Variants in ZNF558 observed in about 807,000 individuals in gnomAD.
ZNF558 encodes zinc finger protein 558.
ZNF558 carries 23 observed loss-of-function variants against 37.6 expected under a neutral mutation model. The observed-to-expected ratio is 0.61, with a 90% confidence interval of 0.44 to 0.87. The LOEUF is 0.87. ZNF558 is among the 40% of genes least tolerant of loss of function. The pLI is 0.00. For synonymous variants in ZNF558, 189 were observed against 174.4 expected (o/e 1.08, Z -0.66); for missense variants, 429 against 483.7 (o/e 0.89, Z 1.06).
intron 7 of ZNF558, among the ~76,000 whole-genome samples, chr19:8,816,299 G>C (rs1352926745): frequency 6.6e-6 from 1 of 152,172 alleles, no homozygotes; most frequent in Admixed American, 6.5e-5. Context: ...CTGACCTCAA[G>C]GGGTCCTTCT....
chr19:8,837,685 C>G, the ZNF558 span, among the ~76,000 whole-genome samples: 2 of 152,126 alleles, frequency 1.3e-5, no homozygotes, highest in South Asian at 4.1e-4. Flanking sequence ...TCTTGCTTTC[C>G]CACAGAGTAC....
At chr19:8,814,049 A>T (rs1336712735) in intron 7 of ZNF558, among the ~76,000 whole-genome samples, 1 of 152,218 alleles carries the variant, frequency 6.6e-6, no homozygotes, top group Non-Finnish European at 1.5e-5. Flanking sequence ...AACAGTGAGT[A>T]AACTGGCAAA....
chr19:8,816,030 T>C (rs1420638658), intron 7 of ZNF558, among the ~76,000 whole-genome samples: 1 of 148,584 alleles, frequency 6.7e-6, no homozygotes, highest in African/African-American at 2.5e-5. Flanking sequence ...TAGAATAAAT[T>C]TGAAAAAATA....
At chr19:8,833,965 G>T (rs928003472), upstream of ZNF558, among the ~76,000 whole-genome samples, 10 of 151,772 alleles carry the variant, frequency 6.6e-5, no homozygotes, top group African/African-American at 2.2e-4. Context: ...CTCCAGCCCG[G>T]GTGACGAGCA....
rs1399492251 is a variant in ZNF558, at chr19:8,822,476, C to T, written c.31+153G>A. Among the ~76,000 whole-genome samples, 2 of 152,176 alleles carry T rather than the reference C, an allele frequency of 1.3e-5. No individual in the cohort carries two copies. Among genetic ancestry groups the T allele is most frequent in the Non-Finnish European group, 2.9e-5 (2 of 68,028 alleles). On this transcript the variant is annotated intron_variant, in intron 5 of 9. Coordinates refer to ENST00000601372, the MANE Select transcript of ZNF558 (RefSeq NM_144693.3). The surrounding 1 kb of genome is among the most constrained non-coding windows in gnomAD (Gnocchi z 4.4). ...CACCCAAATGCCTAAGTCCCAAATC[C>T]CGAGAGCTGCCCGATCAGACACGGA...
chr19:8,829,872 A>G (rs909416360), intron 2 of ZNF558, among the ~76,000 whole-genome samples: 3 of 152,236 alleles, frequency 2.0e-5, no homozygotes, highest in African/African-American at 4.8e-5. Context: ...CCACAATTTA[A>G]TACTAGATTA....
chr19:8,822,151 CCT>C lies in ZNF558; in HGVS notation c.32-62_32-61del, dbSNP rs200528502. ...CTTGTCTGACACCCACAGATCTGCC[CCT>C]GATTGACCACACCCACCTCCCACAC... is the stretch of plus-strand genomic sequence containing the variant. On this transcript the variant is annotated intron_variant, in intron 5 of 9. Coordinates refer to ENST00000601372, the MANE Select transcript of ZNF558 (RefSeq NM_144693.3). The surrounding 1 kb of genome is among the most constrained non-coding windows in gnomAD (Gnocchi z 4.4). 2.4e-3 allele frequency: 3,851 copies of C among 1,602,558 alleles called. 59 individuals are homozygous for C. The Admixed American group carries it at 0.036, about 15-fold the overall frequency.
rs1368290470 is a variant in ZNF558, at chr19:8,821,187, G to C, written c.240C>G (p.Ala80=). The C allele has an allele frequency of 6.2e-7, 1 of 1,613,840 alleles. No individual in the cohort carries two copies. Among genetic ancestry groups the C allele is most frequent in the East Asian group, 2.2e-5 (1 of 44,892 alleles). The change falls in exon 7 of 10, where the codon GCC becomes GCG. Residue 80 remains alanine, a synonymous_variant. Coordinates refer to ENST00000601372, the MANE Select transcript of ZNF558 (RefSeq NM_144693.3). ...GAATGACATTAGGCTTACCTAGTGA[G>C]GCCAGGTTCCTGCAGTTCTCCAGCA... ...DVMLENCRNL[A]SLGCRVNKPS...
chr19:8,815,012 G>A (rs1244871315), intron 7 of ZNF558, among the ~76,000 whole-genome samples: 5 of 151,826 alleles, frequency 3.3e-5, no homozygotes, highest in African/African-American at 1.2e-4. Context: ...TGGAGATGGG[G>A]AAAAGTCTGA....
upstream of ZNF558, among the ~76,000 whole-genome samples, chr19:8,836,438 CCTT>C (rs973084191): frequency 1.3e-5 from 2 of 151,350 alleles, no homozygotes; most frequent in Non-Finnish European, 2.9e-5. Context: ...TCCTCCTCCT[CCTT>C]CTTCTCTTCC....
intron 7 of ZNF558, among the ~76,000 whole-genome samples, chr19:8,817,263 C>T (rs919723572): frequency 2.0e-5 from 3 of 152,108 alleles, no homozygotes; most frequent in Non-Finnish European, 4.4e-5. Context: ...CCCAGCTTAC[C>T]ATGGTATGAT....
chr19:8,815,166 C>T (rs2043902665), intron 7 of ZNF558, among the ~76,000 whole-genome samples: 1 of 152,016 alleles, frequency 6.6e-6, no homozygotes, highest in Non-Finnish European at 1.5e-5. Flanking sequence ...AAACACTGGA[C>T]TTAACTAGAC....
Position 8,807,997 on chromosome 19 carries a change from T to G in ZNF558, c.*3284A>C, listed in dbSNP as rs1007550955. 1 of 152,192 alleles carries G rather than the reference T, an allele frequency of 6.6e-6. No individual in the cohort carries two copies. Among genetic ancestry groups the G allele is most frequent in the Admixed American group, 6.6e-5 (1 of 15,266 alleles). The allele number at this position is 152,192 out of a possible 1,614,324, so 9.4% of individuals were successfully genotyped here. ...CATCTGTAAACTGGGGATAATAACA[T>G]TACATACTTAAGTTTATAATGCATA... On this transcript the variant is annotated 3_prime_UTR_variant, in exon 10 of 10. Transcript: ENST00000601372.
upstream of ZNF558, chr19:8,833,579 CA>C (rs2044413674): frequency 6.6e-6 from 1 of 152,144 alleles, no homozygotes; most frequent in Non-Finnish European, 1.5e-5. Context: ...ATAGACTGAA[CA>C]AAATAGGTAA....
rs1599241522 is a variant in ZNF558, at chr19:8,807,446, T to A, written c.*3835A>T. On this transcript the variant is annotated 3_prime_UTR_variant, in exon 10 of 10. Coordinates refer to ENST00000601372, the MANE Select transcript of ZNF558 (RefSeq NM_144693.3). ...GACCCTGACTGATGTGCCAACTCAC[T>A]GAAATAAGGAAAAGTCCTAACAATG... 1 of 152,244 alleles carries A rather than the reference T, an allele frequency of 6.6e-6. No individual in the cohort carries two copies. The highest frequency in any genetic ancestry group is 6.5e-5 in the Admixed American group (1 of 15,280). The allele number at this position is 152,244 out of a possible 1,614,324, so 9.4% of individuals were successfully genotyped here.
rs537099520 is a variant in ZNF558, at chr19:8,826,777, G to A, written c.-508-1669C>T. Among the ~76,000 whole-genome samples, 3 of 152,318 alleles carry A rather than the reference G, an allele frequency of 2.0e-5. No homozygotes were observed. The East Asian group carries it at 5.8e-4, about 29-fold the overall frequency. On this transcript the variant is annotated intron_variant, in intron 2 of 9. Transcript: ENST00000601372. ...TCCAGCAAGGCAAGAGGATAAATGTGTGTTGTTTTAAGTCCCTGAATTTGT... is the reference window on the plus strand; with the variant it reads ...TCCAGCAAGGCAAGAGGATAAATGTATGTTGTTTTAAGTCCCTGAATTTGT...
At chr19:8,828,904 A>C (rs2044289114) in intron 2 of ZNF558, among the ~76,000 whole-genome samples, 1 of 150,072 alleles carries the variant, frequency 6.7e-6, no homozygotes, top group African/African-American at 2.4e-5. Flanking sequence ...CAGACGTTGC[A>C]GTGAGCTGAG....
At position 8,812,618 on chromosome 19, in the gene ZNF558, T is replaced by C. The variant is rs1555768740; in HGVS notation, c.369A>G (p.Lys123=). 5.0e-6 allele frequency: 8 copies of C among 1,603,384 alleles called. No homozygotes were observed. The highest frequency in any genetic ancestry group is 4.5e-5 in the South Asian group (4 of 88,290). Reference sequence around the variant, plus strand: ...AAACATTCTTCTTAGGAGTTAACCATTTGGCTTTAAGTAGAGTCTCCAAAT... The same window carrying C: ...AAACATTCTTCTTAGGAGTTAACCACTTGGCTTTAAGTAGAGTCTCCAAAT... The part of the protein sequence containing the change: ...CPDLETLLKA[K]WLTPKKNVFR... The change falls in exon 9 of 10, where the codon AAA becomes AAG. Residue 123 remains lysine, a synonymous_variant. Coordinates refer to ENST00000601372, the MANE Select transcript of ZNF558 (RefSeq NM_144693.3).
chr19:8,827,746 G>A (rs867450387), intron 2 of ZNF558, among the ~76,000 whole-genome samples: 45 of 151,974 alleles, frequency 3.0e-4, no homozygotes, highest in African/African-American at 9.2e-4. Context: ...GCTAATTTTC[G>A]TATTTTTAGT....
Sources: gnomAD v4.1 joint callset for allele counts (sites outside exome capture counted in the v4.1 genomes callset) on GRCh38, gnomAD v4.1.1 for gene constraint, Gnocchi (gnomAD v3.1) non-coding constraint, MANE v1.5 for transcripts, NCBI Gene and HGNC (gene_info 2026-07-23, HGNC 2026-07-21) for gene names.